DPP6: variants seen among roughly 807,000 people sequenced by gnomAD.
The protein encoded by DPP6 is A-type potassium channel modulatory protein DPP6.
In DPP6, 69 loss-of-function variants were observed where a neutral mutation model predicts 122.6. The observed-to-expected ratio is 0.56, with a 90% CI of 0.46 to 0.69. The LOEUF is 0.69. DPP6 is among the 30% of genes least tolerant of loss of function. DPP6 has a pLI of 0.00. For synonymous variants in DPP6, 418 were observed against 433.1 expected, an observed-to-expected ratio of 0.97 and a Z score of 0.43; for missense variants, 928 against 1,116.9, an observed-to-expected ratio of 0.83 and a Z score of 2.41.
At chr7:154,631,244 A>T (rs1353605721) in intron 5 of DPP6, among the ~76,000 whole-genome samples, 2 of 152,316 alleles carry the variant, frequency 1.3e-5, no homozygotes, top group Non-Finnish European at 2.9e-5. Context: ...GGTCTGCAGC[A>T]GCAGGAGAGA....
the DPP6 span, among the ~76,000 whole-genome samples, chr7:153,874,252 GCACA>G: frequency 4.5e-3 from 669 of 150,198 alleles, 6 homozygotes; most frequent in African/African-American, 0.014. Context: ...GTGCGCACAT[GCACA>G]CACACACACA....
chr7:154,128,019 C>CA (rs1275472814), intron 1 of DPP6, among the ~76,000 whole-genome samples: 3 of 149,874 alleles, frequency 2.0e-5, no homozygotes, highest in Non-Finnish European at 3.0e-5. Flanking sequence ...TGGAAGAAAG[C>CA]CCAAGAACGT....
rs1302084926 is a variant in DPP6 at position 154,755,895 on chromosome 7, TGTCCTCACCAC to T, written c.884-13518_884-13508del. On this transcript the variant is annotated intron_variant, in intron 8 of 25. Transcript: ENST00000377770. The surrounding 1 kb of genome is among the most constrained non-coding windows in gnomAD (Gnocchi z 4.7). ...CTTGGGTCCCCCTTCGTAATGATACTGTCCTCACCACGTCTTTTTATTATGAAAAGGAAGAG... is the reference window on the plus strand; with the variant it reads ...CTTGGGTCCCCCTTCGTAATGATACTGTCTTTTTATTATGAAAAGGAAGAG... Among the ~76,000 whole-genome samples, 11 of 152,212 alleles carry T rather than the reference TGTCCTCACCAC, an allele frequency of 7.2e-5. No homozygotes were observed. Among genetic ancestry groups the T allele is most frequent in the African/African-American group, 2.7e-4 (11 of 41,460 alleles).
intron 1 of DPP6, among the ~76,000 whole-genome samples, chr7:154,292,023 G>A (rs540146046): frequency 1.3e-5 from 2 of 152,116 alleles, no homozygotes; most frequent in Non-Finnish European, 2.9e-5. Context: ...GGAGAGGAAA[G>A]GAAGAAGGTA....
chr7:154,152,811 C>T (rs1796489050), intron 1 of DPP6, among the ~76,000 whole-genome samples: 1 of 152,246 alleles, frequency 6.6e-6, no homozygotes, highest in Non-Finnish European at 1.5e-5. Context: ...CAGTAAGCAG[C>T]ACACACTGGC....
intron 1 of DPP6, among the ~76,000 whole-genome samples, chr7:154,004,880 G>T (rs1439738062): frequency 6.6e-6 from 1 of 152,128 alleles, no homozygotes; most frequent in Non-Finnish European, 1.5e-5. Flanking sequence ...GCACTAATAA[G>T]GTTCATTTCT....
chr7:154,303,391 G>C (rs1806039413), intron 1 of DPP6, among the ~76,000 whole-genome samples: 1 of 152,158 alleles, frequency 6.6e-6, no homozygotes, highest in Non-Finnish European at 1.5e-5. Flanking sequence ...TGACAGGTTT[G>C]CTTGGTGACC....
the DPP6 span, among the ~76,000 whole-genome samples, chr7:153,782,002 A>ACACACACACACG: frequency 8.1e-6 from 1 of 123,980 alleles, no homozygotes; most frequent in South Asian, 3.0e-4. Flanking sequence ...ACACACACAC[A>ACACACACACACG]CACACACGCC....
At chr7:154,678,326 GGT>G (rs1839056633) in intron 7 of DPP6, among the ~76,000 whole-genome samples, 1 of 152,204 alleles carries the variant, frequency 6.6e-6, no homozygotes, top group Non-Finnish European at 1.5e-5. Context: ...TCGCTCTCTG[GGT>G]TCGCACTACG....
chr7:154,872,599 C>G (rs775886609), intron 18 of DPP6, 25 bp from the exon 19 acceptor site: 1 of 1,582,998 alleles, frequency 6.3e-7, no homozygotes, highest in African/African-American at 1.3e-5. Flanking sequence ...CCCCCTAACC[C>G]GTGCTGTGCT....
At chr7:154,168,090 C>T (rs915251958) in intron 1 of DPP6, among the ~76,000 whole-genome samples, 1 of 152,106 alleles carries the variant, frequency 6.6e-6, no homozygotes, top group Non-Finnish European at 1.5e-5. Context: ...AAGATAACAC[C>T]GGGGAAACCA....
chr7:154,346,205 A>G (rs1810381693), intron 1 of DPP6, among the ~76,000 whole-genome samples: 1 of 152,208 alleles, frequency 6.6e-6, no homozygotes, highest in Non-Finnish European at 1.5e-5. Flanking sequence ...CTCCCAGGAT[A>G]AAGGAAAGAC....
intron 5 of DPP6, among the ~76,000 whole-genome samples, chr7:154,575,621 G>GT (rs1355196402): frequency 1.5e-5 from 2 of 132,826 alleles, no homozygotes; most frequent in South Asian, 2.4e-4. Flanking sequence ...ATGTGTGTGT[G>GT]GTGTGTGTGT....
chr7:154,892,783 C>T lies in DPP6; in HGVS notation c.*303C>T, dbSNP rs1296356900. ...AAGGAACAGAGCAAAGGATGGTGGCCGCAGGCCCCACGCGAGCCCACAGGA... is the reference window on the plus strand; with the variant it reads ...AAGGAACAGAGCAAAGGATGGTGGCTGCAGGCCCCACGCGAGCCCACAGGA... On this transcript the variant is annotated 3_prime_UTR_variant, in exon 26 of 26. Transcript: ENST00000377770. 5 of 614,708 alleles carry T rather than the reference C, an allele frequency of 8.1e-6. No individual in the cohort carries two copies. The highest frequency in any genetic ancestry group is 2.7e-4 in the Middle Eastern group (1 of 3,690). 38.1% of individuals were successfully genotyped at this position (614,708 alleles called of 1,614,324 possible).
intron 1 of DPP6, among the ~76,000 whole-genome samples, chr7:154,341,731 T>C (rs929431299): frequency 6.6e-6 from 1 of 152,036 alleles, no homozygotes; most frequent in Non-Finnish European, 1.5e-5. Context: ...ACTTTTCTCC[T>C]TGATGACATT....
intron 3 of DPP6, among the ~76,000 whole-genome samples, chr7:154,497,482 A>G (rs1240855668): frequency 1.3e-5 from 2 of 151,994 alleles, no homozygotes; most frequent in East Asian, 3.9e-4. Context: ...GGTGGCGGGC[A>G]TCTGTAATCC....
the DPP6 span, among the ~76,000 whole-genome samples, chr7:153,798,303 G>T: frequency 6.6e-6 from 1 of 152,180 alleles, no homozygotes; most frequent in Non-Finnish European, 1.5e-5. Flanking sequence ...CAGAAATTCA[G>T]CCCATAGCAT....
intron 1 of DPP6, among the ~76,000 whole-genome samples, chr7:154,412,179 A>G (rs1816659786): frequency 6.6e-6 from 1 of 152,088 alleles, no homozygotes; most frequent in Non-Finnish European, 1.5e-5. Context: ...ATCACCTCCC[A>G]AAGGCCCCAC....
chr7:154,742,242 G>A (rs909147060), intron 8 of DPP6, among the ~76,000 whole-genome samples: 3 of 152,202 alleles, frequency 2.0e-5, no homozygotes, highest in Non-Finnish European at 4.4e-5. Flanking sequence ...TGGGATTCAT[G>A]CATTTATTCT....
Sources: allele counts gnomAD v4.1 joint callset (sites outside exome capture counted in the v4.1 genomes callset), GRCh38; gene constraint gnomAD v4.1.1; non-coding constraint Gnocchi (gnomAD v3.1); transcripts MANE v1.5; gene names NCBI Gene and HGNC (gene_info 2026-07-23, HGNC 2026-07-21).